The following CAMK2D variants were observed in gnomAD, a reference collection of about 807,000 sequenced individuals.
The protein encoded by CAMK2D is calcium/calmodulin dependent protein kinase II delta.
CAMK2D carries 37 observed loss-of-function variants against 84.0 expected under a neutral mutation model. The ratio of observed to expected loss-of-function variants is 0.44; its 90% CI spans 0.34 to 0.58. CAMK2D has a LOEUF of 0.58. Among genes scored for constraint, CAMK2D ranks in the 20% least tolerant of loss-of-function variants. The probability of loss-of-function intolerance (pLI) is 0.02; values close to 1 mark genes in which losing one functional copy is unlikely to be tolerated. For synonymous variants in CAMK2D, 202 were observed against 212.5 expected (o/e 0.95, Z 0.43); for missense variants, 448 against 652.5 (o/e 0.69, Z 3.41).
intron 4 of CAMK2D, among the ~76,000 whole-genome samples, chr4:113,587,406 G>A (rs1475046743): frequency 6.6e-6 from 1 of 152,128 alleles, no homozygotes; most frequent in Non-Finnish European, 1.5e-5. Context: ...TGTGACTATG[G>A]CTTTTTACTC....
At chr4:113,709,022 C>A (rs1409450988) in intron 2 of CAMK2D, among the ~76,000 whole-genome samples, 3 of 151,872 alleles carry the variant, frequency 2.0e-5, no homozygotes, top group Admixed American at 6.6e-5. Context: ...GCGCCTGGCC[C>A]AAAACAGAAG....
chr4:113,750,355 T>C (rs916982267), intron 2 of CAMK2D, among the ~76,000 whole-genome samples: 1 of 152,134 alleles, frequency 6.6e-6, no homozygotes, highest in Non-Finnish European at 1.5e-5. Context: ...TGTGAACAGA[T>C]TGCTTACTCC....
intron 2 of CAMK2D, among the ~76,000 whole-genome samples, chr4:113,730,246 T>A (rs561677187): frequency 6.6e-6 from 1 of 152,374 alleles, no homozygotes; most frequent in Non-Finnish European, 1.5e-5. Flanking sequence ...AACAACATAC[T>A]TATTGTTAAC....
chr4:113,577,187 G>C (rs1202772360), intron 4 of CAMK2D, among the ~76,000 whole-genome samples: 1 of 152,050 alleles, frequency 6.6e-6, no homozygotes, highest in East Asian at 1.9e-4. Flanking sequence ...TTGCTGCCTG[G>C]ATGCGTAAAG....
At chr4:113,713,821 C>T (rs922654878) in intron 2 of CAMK2D, among the ~76,000 whole-genome samples, 1 of 151,254 alleles carries the variant, frequency 6.6e-6, no homozygotes, top group African/African-American at 2.4e-5. Flanking sequence ...TTTTTTTTCT[C>T]TCAGGCTGTG....
chr4:113,457,305 C>A, intron 19 of CAMK2D, 30 bp downstream of exon 19: 1 of 1,612,114 alleles, frequency 6.2e-7, no homozygotes. Context: ...GGTGTATTAA[C>A]AAAGAAGCTG....
intron 6 of CAMK2D, among the ~76,000 whole-genome samples, chr4:113,544,149 T>G (rs561357108): frequency 6.6e-6 from 1 of 152,268 alleles, no homozygotes; most frequent in East Asian, 1.9e-4. Flanking sequence ...CAATGCTACC[T>G]TACTGATTTT....
At chr4:113,684,878 C>T (rs905182722) in intron 2 of CAMK2D, among the ~76,000 whole-genome samples, 1 of 152,190 alleles carries the variant, frequency 6.6e-6, no homozygotes, top group Non-Finnish European at 1.5e-5. Context: ...AGCAATGACA[C>T]AAGCAACAGC....
chr4:113,547,566 GC>G (rs1331723334), intron 6 of CAMK2D, 77 bp downstream of exon 6: 1 of 802,836 alleles, frequency 1.2e-6, no homozygotes, highest in East Asian at 2.9e-5. Flanking sequence ...TCATATTTTT[GC>G]CTTTACAGGC....
At chr4:113,680,156 C>T (rs1167159788) in intron 2 of CAMK2D, among the ~76,000 whole-genome samples, 1 of 151,992 alleles carries the variant, frequency 6.6e-6, no homozygotes, top group East Asian at 1.9e-4. Context: ...AAGTTCTTGT[C>T]ATTGTTCAGA....
intron 2 of CAMK2D, among the ~76,000 whole-genome samples, chr4:113,758,092 T>G (rs2099632712): frequency 6.6e-6 from 1 of 152,168 alleles, no homozygotes. Context: ...AATTAAAATG[T>G]CACTTATAGT....
chr4:113,628,103 T>A (rs1197436331), intron 3 of CAMK2D, among the ~76,000 whole-genome samples: 1 of 152,342 alleles, frequency 6.6e-6, no homozygotes, highest in African/African-American at 2.4e-5. Context: ...ATCAAATCTA[T>A]GTGGTTAACC....
Position 113,575,513 on chromosome 4 carries a change from G to A in CAMK2D, c.276-23417C>T, listed in dbSNP as rs561456669. Among the ~76,000 whole-genome samples, 64 of 152,206 alleles carry A rather than the reference G, an allele frequency of 4.2e-4. 1 individual carries two copies. The highest frequency in any genetic ancestry group is 2.7e-3 in the South Asian group (13 of 4,824). ...ATCATAATTATGATTATACAATTCT[G>A]TGTTATGCAGTTTTTGGTGCTTAAG... is the stretch of plus-strand genomic sequence containing the variant. On this transcript the variant is annotated intron_variant, in intron 4 of 20. Transcript: ENST00000511664.
intron 2 of CAMK2D, among the ~76,000 whole-genome samples, chr4:113,667,239 C>T (rs1464059171): frequency 1.3e-5 from 2 of 152,118 alleles, no homozygotes; most frequent in Non-Finnish European, 2.9e-5. Context: ...CTGTGAATGG[C>T]TCCAGTACAT....
chr4:113,732,110 A>G (rs2099570429), intron 2 of CAMK2D, among the ~76,000 whole-genome samples: 1 of 150,526 alleles, frequency 6.6e-6, no homozygotes, highest in Non-Finnish European at 1.5e-5. Flanking sequence ...CTCTTGGGAC[A>G]TCAGCACTCC....
chr4:113,635,448 A>G (rs1343412777), intron 3 of CAMK2D, among the ~76,000 whole-genome samples: 1 of 152,212 alleles, frequency 6.6e-6, no homozygotes, highest in Non-Finnish European at 1.5e-5. Flanking sequence ...AATCCTTATA[A>G]CAATGTGAAG....
At chr4:113,482,811 A>C (rs942021970) in intron 16 of CAMK2D, among the ~76,000 whole-genome samples, 1 of 152,250 alleles carries the variant, frequency 6.6e-6, no homozygotes. Flanking sequence ...TTGGATACTG[A>C]AGTAGTCACA....
rs1405778282 is a variant in CAMK2D, at chr4:113,709,758, T to G, written c.161-47986A>C. Among the ~76,000 whole-genome samples the G allele has an allele frequency of 2.7e-5, 3 of 111,434 alleles. 1 individual carries two copies. Among genetic ancestry groups the G allele is most frequent in the Admixed American group, 9.4e-5 (1 of 10,666 alleles). 73.1% of individuals were successfully genotyped at this position (111,434 alleles called of 152,430 possible). On this transcript the variant is annotated intron_variant, in intron 2 of 20. Coordinates refer to ENST00000511664, the MANE Select transcript of CAMK2D (RefSeq NM_001321571.2). ...AAAAGCCGTGAACGATATATATATA[T>G]ATATATATATATATATATATATATG...
At chr4:113,683,182 C>T (rs1239379046) in intron 2 of CAMK2D, among the ~76,000 whole-genome samples, 1 of 152,142 alleles carries the variant, frequency 6.6e-6, no homozygotes, top group Non-Finnish European at 1.5e-5. Context: ...GATCTCAACT[C>T]CAGGTAATAG....
Sources: allele counts gnomAD v4.1 joint callset (sites outside exome capture counted in the v4.1 genomes callset), GRCh38; gene constraint gnomAD v4.1.1; transcripts MANE v1.5; gene names NCBI Gene and HGNC (gene_info 2026-07-23, HGNC 2026-07-21).